Variants in ANO1 observed in about 807,000 individuals in gnomAD.
ANO1 encodes anoctamin 1.
A neutral mutation model predicts 124.0 loss-of-function variants in ANO1; 59 were observed. That is an observed-to-expected ratio of 0.48 (90% CI 0.39 to 0.59). The LOEUF (loss-of-function observed/expected upper bound fraction) is 0.59. ANO1 is among the 20% of genes least tolerant of loss of function. ANO1 has a pLI of 0.00. For synonymous variants in ANO1, 529 were observed against 532.0 expected (o/e 0.99, Z 0.08); for missense variants, 1,059 against 1,328.0 (o/e 0.80, Z 3.15).
At chr11:70,074,144 G>C (rs77700950), upstream of ANO1, among the ~76,000 whole-genome samples, 1 of 152,158 alleles carries the variant, frequency 6.6e-6, no homozygotes, top group African/African-American at 2.4e-5. Context: ...CGGGCAGCAC[G>C]GGGCTGGTGT....
chr11:69,969,463 G>C, the ANO1 span, among the ~76,000 whole-genome samples: 1 of 152,172 alleles, frequency 6.6e-6, no homozygotes, highest in Non-Finnish European at 1.5e-5. Context: ...TGCTTTCTCT[G>C]GTGATGTTCA....
intron 1 of ANO1, among the ~76,000 whole-genome samples, chr11:70,029,843 TC>T (rs1856970877): frequency 6.6e-6 from 1 of 152,176 alleles, no homozygotes; most frequent in Admixed American, 6.5e-5. Context: ...GCTGCATCAC[TC>T]CAGCCTCTTC....
At chr11:70,086,729 A>C (rs2044403105) in intron 1 of ANO1, among the ~76,000 whole-genome samples, 1 of 152,064 alleles carries the variant, frequency 6.6e-6, no homozygotes, top group African/African-American at 2.4e-5. Flanking sequence ...CTTCAAGGTC[A>C]CTCCGAGGGT....
At chr11:70,033,100 G>A (rs189422050) in intron 1 of ANO1, among the ~76,000 whole-genome samples, 1 of 152,290 alleles carries the variant, frequency 6.6e-6, no homozygotes, top group East Asian at 1.9e-4. Flanking sequence ...GTGTGAGCCA[G>A]GGAAAGACAA....
intron 21 of ANO1, among the ~76,000 whole-genome samples, chr11:70,169,602 C>A (rs2048379775): frequency 6.6e-6 from 1 of 152,160 alleles, no homozygotes; most frequent in Non-Finnish European, 1.5e-5. Flanking sequence ...AGCCCCTGGC[C>A]CTCATGCACA....
At chr11:70,126,308 T>C (rs1308235008) in intron 10 of ANO1, 113 bp downstream of exon 10, 6 of 1,340,776 alleles carry the variant, frequency 4.5e-6, no homozygotes, top group Non-Finnish European at 6.0e-6. Flanking sequence ...CCTGTACACA[T>C]GAAACCTCAC....
intron 23 of ANO1, 25 bp from the exon 24 acceptor site, chr11:70,182,477 C>G (rs1291540653): frequency 3.4e-6 from 5 of 1,478,114 alleles, no homozygotes; most frequent in Middle Eastern, 1.8e-4. Flanking sequence ...TGGGGGTCCC[C>G]CTCACTGCCA....
At chr11:70,165,934 C>T (rs565063071) in intron 20 of ANO1, among the ~76,000 whole-genome samples, 3 of 152,068 alleles carry the variant, frequency 2.0e-5, no homozygotes, top group Non-Finnish European at 4.4e-5. Context: ...GCGGGAGGAT[C>T]GCTGGAGCCC....
At chr11:70,094,193 C>A (rs897185205) in intron 2 of ANO1, among the ~76,000 whole-genome samples, 7 of 152,186 alleles carry the variant, frequency 4.6e-5, no homozygotes, top group East Asian at 1.9e-4. Flanking sequence ...AACCGCAAGT[C>A]CCCCTTGGAA....
At chr11:70,095,422 GAAAGAAAAGAAAA>G (rs2044901034) in intron 2 of ANO1, among the ~76,000 whole-genome samples, 1 of 49,706 alleles carries the variant, frequency 2.0e-5, no homozygotes, top group South Asian at 7.3e-4. Context: ...AAGAAAGAAA[GAAAGAAAAGAAAA>G]GAAAGAAAGA....
In ANO1 at chr11:70,124,733, G is replaced by A. The variant is rs574655362; in HGVS notation, c.962+319G>A. The stretch of plus-strand genomic sequence containing the variant: ...TTGAGACGTGGAGGGGAAGGAAAGA[G>A]CTGCCTCAAATGTGGAAGGATTTCT... On this transcript the variant is annotated intron_variant, in intron 9 of 25. Transcript: ENST00000355303. 3.2e-4 allele frequency among the ~76,000 whole-genome samples: 48 copies of A among 152,298 alleles called. 1 individual carries two copies. The highest frequency in any genetic ancestry group is 1.2e-3 in the African/African-American group (48 of 41,562).
intron 19 of ANO1, among the ~76,000 whole-genome samples, chr11:70,163,831 G>C (rs1396607377): frequency 6.6e-6 from 1 of 152,024 alleles, no homozygotes; most frequent in South Asian, 2.1e-4. Context: ...CCACCTACTC[G>C]GGAGGCTGAG....
chr11:70,078,789 G>T (rs1040467466), intron 1 of ANO1, 75 bp downstream of exon 1: 4 of 1,016,458 alleles, frequency 3.9e-6, no homozygotes, highest in Non-Finnish European at 5.1e-6. Context: ...ACCGGGCGGC[G>T]GCAGGGCCTC....
intron 1 of ANO1, among the ~76,000 whole-genome samples, chr11:70,069,391 G>A (rs1014204754): frequency 6.6e-6 from 1 of 152,170 alleles, no homozygotes; most frequent in South Asian, 2.1e-4. Flanking sequence ...CTTGAGCTGA[G>A]AGTCAAATAG....
intron 22 of ANO1, among the ~76,000 whole-genome samples, chr11:70,174,369 C>A (rs906229465): frequency 2.0e-5 from 3 of 151,758 alleles, no homozygotes; most frequent in African/African-American, 2.4e-5. Context: ...GCACTCCAGC[C>A]TGGGCAACAC....
At chr11:70,003,021 T>C (rs1856415112) in intron 1 of ANO1, among the ~76,000 whole-genome samples, 1 of 106,358 alleles carries the variant, frequency 9.4e-6, no homozygotes. Flanking sequence ...AATTTTTAAC[T>C]TCCACAGATT....
At chr11:70,116,522 G>T in intron 8 of ANO1, 23 bp downstream of exon 8, 1 of 1,581,862 alleles carries the variant, frequency 6.3e-7, no homozygotes, top group Non-Finnish European at 8.6e-7. Context: ...AGCGGAGCAG[G>T]AGGTGGCTCT....
intron 1 of ANO1, among the ~76,000 whole-genome samples, chr11:69,989,999 A>G (rs1156275931): frequency 6.6e-6 from 1 of 152,226 alleles, no homozygotes; most frequent in African/African-American, 2.4e-5. Flanking sequence ...TATATATACC[A>G]TAACATTTTA....
At chr11:69,968,112 GTGAA>G in the ANO1 span, among the ~76,000 whole-genome samples, 1 of 152,152 alleles carries the variant, frequency 6.6e-6, no homozygotes, top group East Asian at 1.9e-4. Context: ...GGTTTATCGA[GTGAA>G]TGAATGAATG....
Sources: gnomAD v4.1 joint callset for allele counts (sites outside exome capture counted in the v4.1 genomes callset) on GRCh38, gnomAD v4.1.1 for gene constraint, MANE v1.5 for transcripts, NCBI Gene and HGNC (gene_info 2026-07-23, HGNC 2026-07-21) for gene names.